TRRAP: variants seen among roughly 807,000 people sequenced by gnomAD.
TRRAP encodes the protein transformation/transcription domain-associated protein.
TRRAP carries 41 observed loss-of-function variants against 438.8 expected under a neutral mutation model. The ratio of observed to expected loss-of-function variants is 0.09; its 90% CI spans 0.07 to 0.12. The LOEUF is 0.12. TRRAP is among the 10% of genes least tolerant of loss of function. The probability of loss-of-function intolerance (pLI) is 1.00; values close to 1 mark genes in which losing one functional copy is unlikely to be tolerated. For missense variants in TRRAP, 3,122 were observed against 5,055.1 expected (o/e 0.62, Z 11.60); for synonymous variants, 1,994 against 1,962.9 (o/e 1.02, Z -0.42).
intron 51 of TRRAP, among the ~76,000 whole-genome samples, chr7:98,968,277 C>T (rs1792250864): frequency 6.6e-6 from 1 of 152,148 alleles, no homozygotes; most frequent in East Asian, 1.9e-4. Flanking sequence ...CCTCGGCCTC[C>T]CAAAATGCTG....
In TRRAP at chr7:98,976,169, T is replaced by G; in HGVS notation, c.7860T>G (p.Ala2620=). 3 of 1,614,004 alleles carry G rather than the reference T, an allele frequency of 1.9e-6. No homozygotes were observed. Among genetic ancestry groups the G allele is most frequent in the Non-Finnish European group, 2.5e-6 (3 of 1,179,938 alleles). The change falls in exon 54 of 73, where the codon GCT becomes GCG. Residue 2620 remains alanine, a synonymous_variant. Transcript: ENST00000456197. This position sits in a 1 kb window ranked among gnomAD's most constrained non-coding sequence, Gnocchi z 4.6. The stretch of plus-strand genomic sequence containing the variant: ...CATAGACTGGAGCGCTGCTCAGCGC[T>G]TTCGTTCAGCTGTGCCACATTTCCA... ...REVKTGALLS[A]FVQLCHISTT... is the part of the protein sequence containing the mutation.
Position 98,953,269 on chromosome 7 carries a change from G to A in TRRAP, c.5566G>A (p.Asp1856Asn), listed in dbSNP as rs1554418689. 2 of 1,613,704 alleles carry A rather than the reference G, an allele frequency of 1.2e-6. No individual in the cohort carries two copies. Among genetic ancestry groups the A allele is most frequent in the Admixed American group, 3.3e-5 (2 of 59,990 alleles). The change falls in exon 40 of 73, where the codon GAC (aspartate) becomes AAC (asparagine). Residue 1856 changes from aspartate (D) to asparagine (N), a missense_variant. Coordinates refer to ENST00000456197, the MANE Select transcript of TRRAP (RefSeq NM_001375524.1). Reference protein sequence around the residue: ...LVEHAPHHIHDNNKNRNSKLR... With the variant: ...LVEHAPHHIHNNNKNRNSKLR... Reference sequence around the variant, plus strand: ...GGAGCACGCCCCCCACCACATCCATGACAACAACAAGAACCGCAACAGCAA... The same window carrying A: ...GGAGCACGCCCCCCACCACATCCATAACAACAACAAGAACCGCAACAGCAA...
At chr7:98,953,454 G>C (rs782181696) in intron 40 of TRRAP, 21 bp downstream of exon 40, 1 of 1,602,200 alleles carries the variant, frequency 6.2e-7, no homozygotes, top group Non-Finnish European at 8.5e-7. Context: ...AGCCCCTCCT[G>C]TCCGCCGACA....
chr7:98,938,339 A>G (rs938400675), intron 30 of TRRAP, among the ~76,000 whole-genome samples: 6 of 152,168 alleles, frequency 3.9e-5, no homozygotes, highest in African/African-American at 1.4e-4. Context: ...ACCCTGCCTC[A>G]AAAAATAAAT....
In TRRAP at chr7:98,908,605, G is replaced by A. The variant is rs1358679561; in HGVS notation, c.1116-123G>A. On this transcript the variant is annotated intron_variant, in intron 13 of 72. Transcript: ENST00000456197. This position sits in a 1 kb window ranked among gnomAD's most constrained non-coding sequence, Gnocchi z 4.1. ...TGGGAGAGAGTAATGTGGTGAAAAT[G>A]GGCCATGTAAGTGTGCCGACCCAGG... is the stretch of plus-strand genomic sequence containing the variant. The A allele has an allele frequency of 1.3e-5, 10 of 749,976 alleles. No individual in the cohort carries two copies. The East Asian group carries it at 2.7e-4, about 20-fold the overall frequency. 46.5% of individuals were successfully genotyped at this position (749,976 alleles called of 1,614,324 possible).
intron 40 of TRRAP, among the ~76,000 whole-genome samples, chr7:98,953,755 C>T (rs1215293741): frequency 3.3e-5 from 5 of 152,104 alleles, no homozygotes; most frequent in East Asian, 1.9e-4. Flanking sequence ...AGGTGCCGAG[C>T]GCCACTGGGC....
chr7:98,889,607 G>A (rs576286073), intron 3 of TRRAP, among the ~76,000 whole-genome samples: 2 of 149,738 alleles, frequency 1.3e-5, no homozygotes, highest in East Asian at 2.0e-4. Context: ...GTGTGCAGTG[G>A]CATCATCATA....
At position 98,985,018 on chromosome 7, in the gene TRRAP, G is replaced by A. The variant is rs768858026; in HGVS notation, c.9363G>A (p.Lys3121=). ...KEMTAEFYAL[K]GMFLAQINKS... The stretch of plus-strand genomic sequence containing the variant: ...TGACAGCCGAATTTTATGCACTGAA[G>A]GGAATGTTCTTGGCTCAGATCAACA... The change falls in exon 62 of 73, where the codon AAG becomes AAA. Residue 3121 remains lysine, a synonymous_variant. Coordinates refer to ENST00000456197, the MANE Select transcript of TRRAP (RefSeq NM_001375524.1). The A allele has an allele frequency of 3.7e-6, 6 of 1,612,840 alleles. No individual in the cohort carries two copies. Among genetic ancestry groups the A allele is most frequent in the African/African-American group, 1.3e-5 (1 of 74,998 alleles).
At chr7:98,982,075 T>G (rs1240218838) in intron 59 of TRRAP, 115 bp downstream of exon 59, 3 of 1,104,180 alleles carry the variant, frequency 2.7e-6, no homozygotes, top group Non-Finnish European at 3.6e-6. Context: ...CTCCTTCTGC[T>G]TGTCTTGTCC....
rs1158456539 is a variant in TRRAP, at chr7:98,978,288, C to T, written c.8463C>T (p.Phe2821=). 1 of 1,614,204 alleles carries T rather than the reference C, an allele frequency of 6.2e-7. No homozygotes were observed. Among genetic ancestry groups the T allele is most frequent in the Non-Finnish European group, 8.5e-7 (1 of 1,180,036 alleles). The change falls in exon 57 of 73, where the codon TTC becomes TTT. Residue 2821 remains phenylalanine (F), a synonymous_variant. Coordinates refer to ENST00000456197, the MANE Select transcript of TRRAP (RefSeq NM_001375524.1). ...GGAGTAACGCCTCCCCTGCTATTTT[C>T]CCTGAATACCAGCTCTGGGAAGACC... ...HERSNASPAI[F]PEYQLWEDHW... is the part of the protein sequence containing the mutation.
At chr7:98,971,727 A>G in intron 52 of TRRAP, 72 bp from the exon 53 acceptor site, 1 of 1,543,240 alleles carries the variant, frequency 6.5e-7, no homozygotes. Context: ...CAAGAAGCCT[A>G]CAGGAGGTGT....
chr7:98,961,896 G>C (rs1441291895), intron 46 of TRRAP, among the ~76,000 whole-genome samples: 1 of 152,100 alleles, frequency 6.6e-6, no homozygotes, highest in Non-Finnish European at 1.5e-5. Context: ...ATCCAGCCTG[G>C]GCAACAAGAG....
intron 67 of TRRAP, among the ~76,000 whole-genome samples, chr7:99,002,127 G>T (rs1391747505): frequency 2.7e-5 from 4 of 149,176 alleles, no homozygotes; most frequent in South Asian, 2.2e-4. Context: ...AGAGGCGGGG[G>T]GGTGGGGTGG....
At chr7:99,009,837 C>CCTCTTGTT (rs1017692627) in intron 70 of TRRAP, among the ~76,000 whole-genome samples, 3 of 151,818 alleles carry the variant, frequency 2.0e-5, no homozygotes, top group African/African-American at 7.2e-5. Context: ...GCCGCTTCCT[C>CCTCTTGTT]CTCTTGTTTA....
chr7:98,928,960 C>T (rs1190527171), intron 23 of TRRAP, among the ~76,000 whole-genome samples: 4 of 143,738 alleles, frequency 2.8e-5, no homozygotes, highest in South Asian at 2.2e-4. Context: ...TTTTTTCAGA[C>T]GGGGTCTTGC....
chr7:98,956,138 G>T lies in TRRAP; in HGVS notation c.5938-8G>T, dbSNP rs760969580. The T allele has an allele frequency of 1.7e-5, 27 of 1,607,888 alleles. No individual in the cohort carries two copies. The Admixed American group carries it at 4.5e-4, about 27-fold the overall frequency. On this transcript the variant is annotated splice_polypyrimidine_tract_variant and splice_region_variant and intron_variant, in intron 41 of 72. Coordinates refer to ENST00000456197, the MANE Select transcript of TRRAP (RefSeq NM_001375524.1). This position sits in a 1 kb window ranked among gnomAD's most constrained non-coding sequence, Gnocchi z 4.5. Reference sequence around the variant, plus strand: ...TGTTCCGGCGTGATGCTGGCCCTGCGTCCGCAGGTGTACTACCCGGTACGG... The same window carrying T: ...TGTTCCGGCGTGATGCTGGCCCTGCTTCCGCAGGTGTACTACCCGGTACGG...
Position 98,886,318 on chromosome 7 carries a change from A to C in TRRAP, c.151-4017A>C, listed in dbSNP as rs529149297. Among the ~76,000 whole-genome samples the C allele has an allele frequency of 4.0e-5, 6 of 150,684 alleles. No homozygotes were observed. In the South Asian group the frequency reaches 1.2e-3, roughly 31 times the overall value. On this transcript the variant is annotated intron_variant, in intron 3 of 72. Transcript: ENST00000456197. ...ATCTATCATAGATATAGATATCTATATAGATAGAGATAGATATAGATAGAT... is the reference window on the plus strand; with the variant it reads ...ATCTATCATAGATATAGATATCTATCTAGATAGAGATAGATATAGATAGAT...
intron 62 of TRRAP, among the ~76,000 whole-genome samples, chr7:98,986,546 G>A (rs1793157742): frequency 2.0e-5 from 3 of 152,122 alleles, no homozygotes; most frequent in Admixed American, 6.5e-5. Flanking sequence ...TTGATGCTGA[G>A]CTTCTTTTCT....
At chr7:98,950,321 A>T (rs1203844999) in intron 38 of TRRAP, 59 bp downstream of exon 38, 1 of 1,574,182 alleles carries the variant, frequency 6.4e-7, no homozygotes, top group African/African-American at 1.4e-5. Context: ...TTTCTAGGGA[A>T]CTTTGGGCCC....
Sources: allele counts gnomAD v4.1 joint callset (sites outside exome capture counted in the v4.1 genomes callset), GRCh38; gene constraint gnomAD v4.1.1; non-coding constraint Gnocchi (gnomAD v3.1); transcripts MANE v1.5; gene names NCBI Gene and HGNC (gene_info 2026-07-23, HGNC 2026-07-21).